Variants in PTPN9 observed in about 807,000 individuals in gnomAD.
PTPN9 encodes the protein tyrosine-protein phosphatase non-receptor type 9.
PTPN9 carries 26 observed loss-of-function variants against 69.8 expected under a neutral mutation model. The observed-to-expected ratio is 0.37, with a 90% CI of 0.27 to 0.52. PTPN9 has a LOEUF of 0.52. Among genes scored for constraint, PTPN9 ranks in the 20% least tolerant of loss-of-function variants. PTPN9 has a pLI of 0.91. For missense variants in PTPN9, 549 were observed against 740.3 expected (o/e 0.74, Z 3.00); for synonymous variants, 274 against 272.5 (o/e 1.01, Z -0.05).
chr15:75,554,005 C>CTTTTTTTTTT (rs72050060), intron 1 of PTPN9, among the ~76,000 whole-genome samples: 12 of 125,370 alleles, frequency 9.6e-5, no homozygotes, highest in Admixed American at 1.7e-4. Flanking sequence ...TACTTTCTTT[C>CTTTTTTTTTT]TTTTTTTTTT....
chr15:75,558,897 C>T (rs1595970257), intron 1 of PTPN9, among the ~76,000 whole-genome samples: 1 of 151,518 alleles, frequency 6.6e-6, no homozygotes, highest in Non-Finnish European at 1.5e-5. Flanking sequence ...ACCTCCCAGC[C>T]GCCTGCCTTG....
intron 1 of PTPN9, among the ~76,000 whole-genome samples, chr15:75,565,827 AAATGAACC>A (rs2075124432): frequency 2.6e-5 from 4 of 152,210 alleles, no homozygotes; most frequent in Admixed American, 1.3e-4. Context: ...TAGAAAGAAG[AAATGAACC>A]AATGAACCAA....
At chr15:75,542,848 C>CT (rs929161029) in intron 1 of PTPN9, among the ~76,000 whole-genome samples, 326 of 141,854 alleles carry the variant, frequency 2.3e-3, no homozygotes, top group Middle Eastern at 7.0e-3. Context: ...TTTTTTTTGG[C>CT]TTTTTTTTTT....
At chr15:75,560,014 C>A (rs547158464) in intron 1 of PTPN9, among the ~76,000 whole-genome samples, 4 of 151,970 alleles carry the variant, frequency 2.6e-5, no homozygotes, top group African/African-American at 7.2e-5. Context: ...GTGGCATGTG[C>A]CTGTAATCCC....
intron 1 of PTPN9, among the ~76,000 whole-genome samples, chr15:75,530,512 T>C (rs1258591805): frequency 3.5e-5 from 3 of 85,152 alleles, no homozygotes; most frequent in South Asian, 2.9e-4. Flanking sequence ...TTATAATATA[T>C]TATAATATAA....
chr15:75,535,065 C>T (rs907744184), intron 1 of PTPN9, among the ~76,000 whole-genome samples: 1 of 151,056 alleles, frequency 6.6e-6, no homozygotes, highest in Non-Finnish European at 1.5e-5. Flanking sequence ...GGCGTGATCT[C>T]GGCTCACTGC....
intron 1 of PTPN9, among the ~76,000 whole-genome samples, chr15:75,560,168 A>G (rs978106102): frequency 8.6e-5 from 13 of 152,002 alleles, no homozygotes; most frequent in Admixed American, 8.5e-4. Context: ...TTATCTGATA[A>G]CTTAATTCCA....
At chr15:75,504,767 GCCCGGCCAGCCGC>G (rs2074806819) in intron 7 of PTPN9, among the ~76,000 whole-genome samples, 1 of 147,640 alleles carries the variant, frequency 6.8e-6, no homozygotes, top group Admixed American at 6.6e-5. Flanking sequence ...GAGCCCCTCT[GCCCGGCCAGCCGC>G]CCCGTCCGGG....
chr15:75,530,516 A>T (rs1206292341), intron 1 of PTPN9, among the ~76,000 whole-genome samples: 1 of 82,722 alleles, frequency 1.2e-5, no homozygotes, highest in Admixed American at 2.1e-4. Context: ...AATATATTAT[A>T]ATATAATTTA....
intron 9 of PTPN9, among the ~76,000 whole-genome samples, chr15:75,475,249 T>G (rs764611667): frequency 1.3e-5 from 2 of 152,050 alleles, no homozygotes; most frequent in Admixed American, 6.6e-5. Flanking sequence ...AGCAATAACT[T>G]TGAAGATACT....
At chr15:75,575,716 G>A (rs1017979790) in intron 1 of PTPN9, among the ~76,000 whole-genome samples, 3 of 150,988 alleles carry the variant, frequency 2.0e-5, no homozygotes, top group African/African-American at 7.3e-5. Context: ...TCAGGAGATC[G>A]AGACCATCCT....
At chr15:75,559,346 GA>G (rs1205737013) in intron 1 of PTPN9, among the ~76,000 whole-genome samples, 4 of 152,198 alleles carry the variant, frequency 2.6e-5, no homozygotes, top group Non-Finnish European at 5.9e-5. Context: ...GAAATGTGGG[GA>G]AAAGATAGAG....
intron 1 of PTPN9, among the ~76,000 whole-genome samples, chr15:75,539,505 A>C (rs1302091683): frequency 6.7e-6 from 1 of 149,522 alleles, no homozygotes; most frequent in Non-Finnish European, 1.5e-5. Flanking sequence ...ACGGGGTTTC[A>C]CTACGTTGGC....
At chr15:75,511,077 C>T (rs2074843170) in intron 5 of PTPN9, among the ~76,000 whole-genome samples, 1 of 152,092 alleles carries the variant, frequency 6.6e-6, no homozygotes, top group Non-Finnish European at 1.5e-5. Flanking sequence ...AATAATATTT[C>T]CTCATAAATA....
intron 5 of PTPN9, among the ~76,000 whole-genome samples, chr15:75,515,230 A>G (rs1026596692): frequency 1.3e-4 from 19 of 151,208 alleles, no homozygotes; most frequent in African/African-American, 4.6e-4. Flanking sequence ...GATCGAGACC[A>G]TCTTGGCTAA....
intron 1 of PTPN9, among the ~76,000 whole-genome samples, chr15:75,552,002 A>G (rs1438511436): frequency 6.6e-6 from 1 of 151,062 alleles, no homozygotes; most frequent in East Asian, 1.9e-4. Context: ...AGATTTCACC[A>G]TTGCACTCCA....
chr15:75,541,761 C>G (rs920618063), intron 1 of PTPN9, among the ~76,000 whole-genome samples: 1 of 151,576 alleles, frequency 6.6e-6, no homozygotes, highest in Non-Finnish European at 1.5e-5. Flanking sequence ...GGTTGGAGTG[C>G]AGTAGTGCGA....
chr15:75,565,457 A>G (rs1037322362), intron 1 of PTPN9, among the ~76,000 whole-genome samples: 24 of 152,172 alleles, frequency 1.6e-4, no homozygotes, highest in Non-Finnish European at 2.9e-4. Context: ...TTGACCAGAT[A>G]ATTCTCTGCT....
intron 9 of PTPN9, 151 bp downstream of exon 9, chr15:75,479,697 T>C (rs966513998): frequency 1.6e-6 from 1 of 623,926 alleles, no homozygotes; most frequent in African/African-American, 1.9e-5. Flanking sequence ...TTTGCTTTTC[T>C]CAACCACCAC....
Sources: allele counts gnomAD v4.1 joint callset (sites outside exome capture counted in the v4.1 genomes callset), GRCh38; gene constraint gnomAD v4.1.1; transcripts MANE v1.5; gene names NCBI Gene and HGNC (gene_info 2026-07-23, HGNC 2026-07-21).